G6PC1: variants seen among roughly 807,000 people sequenced by gnomAD.
The protein encoded by G6PC1 is glucose-6-phosphatase catalytic subunit 1.
In G6PC1, 23 loss-of-function variants were observed where a neutral mutation model predicts 30.4. That is an observed-to-expected ratio of 0.76 (90% confidence interval 0.55 to 1.07). The LOEUF is 1.07. Ranked by LOEUF, G6PC1 falls within the 50% of genes least tolerant of loss-of-function variation. G6PC1 has a pLI of 0.00. For missense variants in G6PC1, 391 were observed against 433.9 expected, an observed-to-expected ratio of 0.90 and a Z score of 0.88; for synonymous variants, 163 against 175.6, an observed-to-expected ratio of 0.93 and a Z score of 0.57.
Position 42,900,983 on chromosome 17 carries a change from T to A in G6PC1, c.107T>A (p.Ile36Asn). 6.2e-7 allele frequency: 1 copy of A among 1,614,212 alleles called. No homozygotes were observed. The highest frequency in any genetic ancestry group is 1.6e-4 in the Middle Eastern group (1 of 6,062). ...SQDWFILVSV[I>N]ADLRNAFYVL... The stretch of plus-strand genomic sequence containing the variant: ...GACTGGTTCATCTTGGTGTCCGTGA[T>A]CGCAGACCTCAGGAATGCCTTCTAC... Residue 36 changes from isoleucine to asparagine, a missense_variant, in exon 1 of 5, where the codon ATC becomes AAC. By Grantham distance (149) the Ile-to-Asn change is moderately radical. Coordinates refer to ENST00000253801, the MANE Select transcript of G6PC1 (RefSeq NM_000151.4).
chr17:42,903,184 C>T (rs919253376), intron 1 of G6PC1, among the ~76,000 whole-genome samples: 2 of 150,650 alleles, frequency 1.3e-5, no homozygotes, highest in South Asian at 2.1e-4. Context: ...CAGGTTCAAG[C>T]GATTCTCTTG....
chr17:42,911,795 C>T lies in G6PC1; in HGVS notation c.*369C>T, dbSNP rs2151932570. The T allele has an allele frequency of 2.9e-6, 1 of 340,722 alleles. No individual in the cohort carries two copies. Among genetic ancestry groups the T allele is most frequent in the East Asian group, 7.1e-5 (1 of 14,076 alleles). The allele number at this position is 340,722 out of a possible 1,614,324, so 21.1% of individuals were successfully genotyped here. A position where few individuals can be genotyped will look rare whatever the true frequency, so the allele number is the denominator to read the frequency against. On this transcript the variant is annotated 3_prime_UTR_variant, in exon 5 of 5. Transcript: ENST00000253801. ...CCAGCCCATTTTGAGGCCAGAGGTG[C>T]TGTCAGCTCAGGTGGTCCTCTTTTA...
chr17:42,911,979 A>C lies in G6PC1; in HGVS notation c.*553A>C, dbSNP rs1255430885. The C allele has an allele frequency of 6.3e-6, 1 of 158,654 alleles. No individual in the cohort carries two copies. Among genetic ancestry groups the C allele is most frequent in the East Asian group, 1.9e-4 (1 of 5,396 alleles). 9.8% of individuals were successfully genotyped at this position (158,654 alleles called of 1,614,324 possible). ...AGACTTCCAGGTAGGGCCAGCTCAC[A>C]AGCCCAGGCTGGAGATCCTAACTGA... On this transcript the variant is annotated 3_prime_UTR_variant, in exon 5 of 5. Transcript: ENST00000253801.
Position 42,913,844 on chromosome 17 carries a change from G to C in G6PC1, c.*2418G>C, listed in dbSNP as rs115371692. ...AGTCACAGCACCAAGGAATGCTCAA[G>C]GGAGCTATTGCAGGTTTCTCTGCTA... On this transcript the variant is annotated 3_prime_UTR_variant, in exon 5 of 5. Transcript: ENST00000253801. Among the ~76,000 whole-genome samples, 307 of 152,260 alleles carry C rather than the reference G, an allele frequency of 2.0e-3. 1 individual carries two copies. Among genetic ancestry groups the C allele is most frequent in the African/African-American group, 7.1e-3 (296 of 41,560 alleles).
At chr17:42,907,496 T>A in intron 2 of G6PC1, 27 bp from the exon 3 acceptor site, 1 of 1,530,302 alleles carries the variant, frequency 6.5e-7, no homozygotes, top group Non-Finnish European at 9.0e-7. Context: ...TTTTCACCTT[T>A]ACTCCATTCT....
chr17:42,907,394 G>C (rs540832790), intron 2 of G6PC1, 129 bp from the exon 3 acceptor site: 4 of 698,280 alleles, frequency 5.7e-6, no homozygotes, highest in Non-Finnish European at 1.0e-5. Flanking sequence ...CGGATGGATG[G>C]GGGGTGAATG....
chr17:42,908,705 T>C (rs936651556), intron 3 of G6PC1, among the ~76,000 whole-genome samples: 6 of 87,668 alleles, frequency 6.8e-5, no homozygotes, highest in African/African-American at 3.6e-4. Context: ...GCGCCTGGCC[T>C]TTTTTTTTTT....
rs368450665 is a variant in G6PC1, at chr17:42,904,050, C to A, written c.340+10C>A. 1.7e-3 allele frequency: 2,728 copies of A among 1,575,262 alleles called. 5 individuals are homozygous for A. The highest frequency in any genetic ancestry group is 2.2e-3 in the Non-Finnish European group (2,564 of 1,144,698). ...TGTGAGACTGGACCAGGTAAGCGTC[C>A]CAGCCCCTGCAGACAGAAGCTGAGT... On this transcript the variant is annotated intron_variant, in intron 2 of 4. Transcript: ENST00000253801.
intron 1 of G6PC1, 44 bp from the exon 2 acceptor site, chr17:42,903,887 G>T: frequency 1.5e-6 from 2 of 1,300,600 alleles, no homozygotes; most frequent in Non-Finnish European, 2.2e-6. Flanking sequence ...TTGGGCAAAA[G>T]CATTCATTCA....
intron 2 of G6PC1, among the ~76,000 whole-genome samples, chr17:42,907,188 C>T (rs1262729883): frequency 1.3e-5 from 2 of 152,120 alleles, no homozygotes; most frequent in African/African-American, 2.4e-5. Context: ...TGTAATTGTA[C>T]GCCCAGTATG....
At chr17:42,909,478 A>C in intron 4 of G6PC1, 60 bp downstream of exon 4, 8 of 1,221,284 alleles carry the variant, frequency 6.6e-6, no homozygotes, top group African/African-American at 1.5e-5. Context: ...TCTCTCCCTA[A>C]TCAGGACAAA....
At chr17:42,902,528 C>T (rs961246731) in intron 1 of G6PC1, among the ~76,000 whole-genome samples, 6 of 152,016 alleles carry the variant, frequency 3.9e-5, no homozygotes, top group Admixed American at 6.6e-5. Context: ...GGATTACAGG[C>T]GTGAGCCACT....
chr17:42,903,938 T>A lies in G6PC1; in HGVS notation c.238T>A (p.Phe80Ile), dbSNP rs1176780540. Reference protein sequence around the residue: ...WLNLVFKWILFGQRPYWWVLD... With the variant: ...WLNLVFKWILIGQRPYWWVLD... Reference sequence around the variant, plus strand: ...TGTTCTGTTTTTCCATAGGATTCTCTTTGGACAGCGTCCATACTGGTGGGT... The same window carrying A: ...TGTTCTGTTTTTCCATAGGATTCTCATTGGACAGCGTCCATACTGGTGGGT... The change falls in exon 2 of 5, where the codon TTT (phenylalanine) becomes ATT (isoleucine). Residue 80 changes from phenylalanine to isoleucine, a missense_variant. Phe to Ile is a conservative substitution (Grantham distance 21). Transcript: ENST00000253801. The A allele has an allele frequency of 6.2e-7, 1 of 1,611,516 alleles. No homozygotes were observed. The highest frequency in any genetic ancestry group is 2.2e-5 in the East Asian group (1 of 44,878).
chr17:42,909,875 T>A (rs1245843764), intron 4 of G6PC1, among the ~76,000 whole-genome samples: 1 of 151,798 alleles, frequency 6.6e-6, no homozygotes, highest in Non-Finnish European at 1.5e-5. Flanking sequence ...TTTGTTTTTT[T>A]TTTTTGAGAT....
At chr17:42,905,357 G>A (rs1264908161) in intron 2 of G6PC1, among the ~76,000 whole-genome samples, 3 of 149,130 alleles carry the variant, frequency 2.0e-5, no homozygotes, top group Non-Finnish European at 3.0e-5. Flanking sequence ...CCTGGGAGGT[G>A]GTGAGCCAAG....
At chr17:42,909,199 T>G (rs1052952321) in intron 3 of G6PC1, 104 bp from the exon 4 acceptor site, 1 of 878,710 alleles carries the variant, frequency 1.1e-6, no homozygotes, top group African/African-American at 1.6e-5. Flanking sequence ...AAAATTCCAC[T>G]GAGAGCACCT....
intron 2 of G6PC1, among the ~76,000 whole-genome samples, chr17:42,906,718 C>A (rs1297672463): frequency 6.6e-6 from 1 of 151,932 alleles, no homozygotes; most frequent in Non-Finnish European, 1.5e-5. Flanking sequence ...ACAAACAAAA[C>A]ACATTTAAAA....
At chr17:42,905,291 G>T (rs1469906190) in intron 2 of G6PC1, among the ~76,000 whole-genome samples, 1 of 151,038 alleles carries the variant, frequency 6.6e-6, no homozygotes, top group Non-Finnish European at 1.5e-5. Context: ...TGGGTGTCCT[G>T]GTGCATGCCT....
At chr17:42,904,787 G>C (rs1230093488) in intron 2 of G6PC1, among the ~76,000 whole-genome samples, 1 of 152,192 alleles carries the variant, frequency 6.6e-6, no homozygotes, top group East Asian at 1.9e-4. Flanking sequence ...AATCTGAATA[G>C]AGGAGGTGAA....
Sources: gnomAD v4.1 joint callset for allele counts (sites outside exome capture counted in the v4.1 genomes callset) on GRCh38, gnomAD v4.1.1 for gene constraint, MANE v1.5 for transcripts, NCBI Gene and HGNC (gene_info 2026-07-23, HGNC 2026-07-21) for gene names.